The following CABLES1 variants were observed in gnomAD, a reference collection of about 807,000 sequenced individuals.
The protein encoded by CABLES1 is CDK5 and ABL1 enzyme substrate 1.
Under a neutral mutation model 57.8 loss-of-function variants are expected in CABLES1, and 36 were observed. That is an observed-to-expected ratio of 0.62 (90% CI 0.48 to 0.82). The LOEUF (loss-of-function observed/expected upper bound fraction) is 0.82, where lower values mean the gene tolerates loss of function less well. CABLES1 is among the 40% of genes least tolerant of loss of function. The pLI, the probability that CABLES1 is intolerant of heterozygous loss-of-function variation, is 0.00. For synonymous variants in CABLES1, 374 were observed against 363.0 expected, an observed-to-expected ratio of 1.03 and a Z score of -0.35; for missense variants, 767 against 836.6, an observed-to-expected ratio of 0.92 and a Z score of 1.03.
chr18:23,203,170 T>C (rs1704026680), intron 3 of CABLES1, among the ~76,000 whole-genome samples: 1 of 152,188 alleles, frequency 6.6e-6, no homozygotes, highest in South Asian at 2.1e-4. Flanking sequence ...CTCTGTCACG[T>C]GCCTGCATGG....
chr18:23,231,102 AG>A (rs1222796923), intron 4 of CABLES1, among the ~76,000 whole-genome samples: 3 of 152,170 alleles, frequency 2.0e-5, no homozygotes, highest in Non-Finnish European at 4.4e-5. Flanking sequence ...ACATCCCCAG[AG>A]GCAATAGGCA....
chr18:23,247,504 C>G (rs1278099132), intron 7 of CABLES1, among the ~76,000 whole-genome samples: 3 of 152,248 alleles, frequency 2.0e-5, no homozygotes, highest in Non-Finnish European at 2.9e-5. Context: ...TCCGCTGTGG[C>G]AGTTGTGTAT....
intron 6 of CABLES1, among the ~76,000 whole-genome samples, chr18:23,236,908 A>G (rs191086697): frequency 1.9e-4 from 29 of 152,284 alleles, no homozygotes; most frequent in Admixed American, 1.6e-3. Flanking sequence ...ATTTTCTAAA[A>G]TGGAAAAAAA....
chr18:23,251,917 C>A (rs1288195637), intron 7 of CABLES1, among the ~76,000 whole-genome samples: 1 of 152,042 alleles, frequency 6.6e-6, no homozygotes, highest in Non-Finnish European at 1.5e-5. Flanking sequence ...GAAACTCAGT[C>A]TCTCTTAAAA....
At chr18:23,162,913 G>C (rs940698033) in intron 1 of CABLES1, among the ~76,000 whole-genome samples, 2 of 152,222 alleles carry the variant, frequency 1.3e-5, no homozygotes, top group Non-Finnish European at 2.9e-5. Flanking sequence ...TCAATGAGAA[G>C]ATAGTGGGTT....
Position 23,253,899 on chromosome 18 carries a change from G to A in CABLES1, c.1724G>A (p.Ser575Asn). The change falls in exon 9 of 10, where the codon AGT becomes AAT. Residue 575 changes from serine (S) to asparagine (N), a missense_variant. This residue lies in a region of CABLES1 where 529 missense variants were observed against 622.8 expected (regional missense o/e 0.85). Transcript: ENST00000256925. ...ACVLLAAKIG[S>N]DLKKHEVKHL... The stretch of plus-strand genomic sequence containing the variant: ...GTGCTGTTAGCAGCCAAAATTGGAA[G>A]TGACCTCAAAAAACACGAAGTCAAG... 6.2e-7 allele frequency: 1 copy of A among 1,614,208 alleles called. No individual in the cohort carries two copies. Among genetic ancestry groups the A allele is most frequent in the Non-Finnish European group, 8.5e-7 (1 of 1,180,040 alleles).
chr18:23,250,345 G>A (rs2048007636), intron 7 of CABLES1, among the ~76,000 whole-genome samples: 1 of 152,166 alleles, frequency 6.6e-6, no homozygotes, highest in Non-Finnish European at 1.5e-5. Flanking sequence ...CTGGATTGGG[G>A]GGTGAGGGGT....
chr18:23,211,556 C>T (rs1347859121), intron 3 of CABLES1, among the ~76,000 whole-genome samples: 2 of 152,250 alleles, frequency 1.3e-5, no homozygotes, highest in African/African-American at 2.4e-5. Flanking sequence ...GCTGGAAAGC[C>T]GGCCTAGAAC....
chr18:23,156,151 G>T (rs776993587), intron 1 of CABLES1, among the ~76,000 whole-genome samples: 3 of 152,186 alleles, frequency 2.0e-5, no homozygotes, highest in Non-Finnish European at 1.5e-5. Flanking sequence ...GGAACAGAGG[G>T]GGGGCTCCAT....
At chr18:23,253,992 T>G in intron 9 of CABLES1, 56 bp downstream of exon 9, 21 of 1,492,588 alleles carry the variant, frequency 1.4e-5, no homozygotes, top group Non-Finnish European at 2.0e-5. Context: ...CCGGGGTTCC[T>G]CTCTCAGAAG....
At chr18:23,253,420 T>A (rs1317740809) in intron 8 of CABLES1, among the ~76,000 whole-genome samples, 1 of 151,978 alleles carries the variant, frequency 6.6e-6, no homozygotes, top group Non-Finnish European at 1.5e-5. Flanking sequence ...GAGGTGGAGG[T>A]TGCAGTGAGC....
In CABLES1 at chr18:23,259,965, G is replaced by C. The variant is rs181550434; in HGVS notation, c.*2598G>C. The C allele has an allele frequency of 0.015, 2,112 of 143,590 alleles. 19 individuals carry two copies. The highest frequency in any genetic ancestry group is 0.025 in the African/African-American group (1,002 of 39,850). 8.9% of individuals were successfully genotyped at this position (143,590 alleles called of 1,614,324 possible). On this transcript the variant is annotated 3_prime_UTR_variant, in exon 10 of 10. Transcript: ENST00000256925. ...CACACTCCTTGGGATAATACTAGCC[G>C]GTTCTGCCTGATTCCTTTTCCCCCG...
intron 2 of CABLES1, among the ~76,000 whole-genome samples, chr18:23,193,190 C>CTT (rs1473686167): frequency 7.2e-6 from 1 of 138,422 alleles, no homozygotes; most frequent in African/African-American, 2.9e-5. Flanking sequence ...TTAAAAGAAT[C>CTT]TTTCTTTTTT....
chr18:23,155,394 G>GAT (rs1183840113), intron 1 of CABLES1, among the ~76,000 whole-genome samples: 7 of 152,226 alleles, frequency 4.6e-5, no homozygotes, highest in African/African-American at 1.7e-4. Flanking sequence ...AAGGCTGATT[G>GAT]ATATTTTAGG....
intron 1 of CABLES1, among the ~76,000 whole-genome samples, chr18:23,137,654 C>G (rs1372799263): frequency 6.6e-6 from 1 of 152,212 alleles, no homozygotes; most frequent in African/African-American, 2.4e-5. Flanking sequence ...AAAGCTTGAT[C>G]TGGCCCAAGT....
intron 1 of CABLES1, among the ~76,000 whole-genome samples, chr18:23,164,607 A>G (rs2047028285): frequency 6.6e-6 from 1 of 151,776 alleles, no homozygotes; most frequent in Admixed American, 6.6e-5. Context: ...ATATTGCTCC[A>G]TGCATCTGCA....
chr18:23,237,395 A>G, intron 7 of CABLES1, 150 bp downstream of exon 7: 1 of 651,260 alleles, frequency 1.5e-6, no homozygotes, highest in Non-Finnish European at 2.8e-6. Flanking sequence ...AAGGACCAGT[A>G]TTGCCTCCTG....
chr18:23,236,546 G>T (rs750119659), intron 6 of CABLES1, among the ~76,000 whole-genome samples: 4 of 152,134 alleles, frequency 2.6e-5, no homozygotes, highest in African/African-American at 9.7e-5. Context: ...GAACTGGCAC[G>T]TGGAGAAAAC....
chr18:23,146,656 G>A (rs748775572), intron 1 of CABLES1, among the ~76,000 whole-genome samples: 117 of 152,202 alleles, frequency 7.7e-4, no homozygotes, highest in Non-Finnish European at 1.4e-3. Flanking sequence ...AGTATTATAA[G>A]TTCTGTTTAT....
Sources: allele counts gnomAD v4.1 joint callset (sites outside exome capture counted in the v4.1 genomes callset), GRCh38; gene constraint gnomAD v4.1.1; regional missense constraint gnomAD v4.1.1; transcripts MANE v1.5; gene names NCBI Gene and HGNC (gene_info 2026-07-23, HGNC 2026-07-21).